Variants in CCDC159 observed in about 807,000 individuals in gnomAD.
The protein encoded by CCDC159 is coiled-coil domain containing 159, also known as coiled-coil domain-containing protein 159.
A neutral mutation model predicts 50.9 loss-of-function variants in CCDC159; 40 were observed. That is an observed-to-expected ratio of 0.79 (90% CI 0.61 to 1.02). CCDC159 has a LOEUF of 1.02. CCDC159 is among the 50% of genes least tolerant of loss of function. The probability of loss-of-function intolerance (pLI) is 0.00; values close to 1 mark genes in which losing one functional copy is unlikely to be tolerated. For synonymous variants in CCDC159, 146 were observed against 138.9 expected, an observed-to-expected ratio of 1.05 and a Z score of -0.36; for missense variants, 356 against 371.5, an observed-to-expected ratio of 0.96 and a Z score of 0.34.
chr19:11,346,772 A>G, intron 1 of CCDC159, 145 bp downstream of exon 1: 1 of 920,334 alleles, frequency 1.1e-6, no homozygotes, highest in Non-Finnish European at 1.7e-6. Context: ...ACGGGGAGAG[A>G]GGAGGCACTA....
Position 11,353,489 on chromosome 19 carries a change from C to T in CCDC159, c.606C>T (p.Ala202=), listed in dbSNP as rs765046740. 13 of 1,604,098 alleles carry T rather than the reference C, an allele frequency of 8.1e-6. No homozygotes were observed. Among genetic ancestry groups the T allele is most frequent in the African/African-American group, 6.7e-5 (5 of 74,814 alleles). ...TGAAGCAGCAGGGTCATGAGACAGC[C>T]GCCTGTCCGGAGACTGAAGAGATAC... ...TKMKQQGHET[A]ACPETEEIPQ... The change falls in exon 8 of 11, where the codon GCC becomes GCT. Residue 202 remains alanine, a synonymous_variant. Coordinates refer to ENST00000458408, the MANE Select transcript of CCDC159 (RefSeq NM_001080503.3).
chr19:11,351,697 G>A, intron 5 of CCDC159: 2 of 526,170 alleles, frequency 3.8e-6, no homozygotes, highest in Admixed American at 3.3e-5. Flanking sequence ...GAGGCTGAGT[G>A]GGGTGGGAGA....
chr19:11,353,369 G>C lies in CCDC159; in HGVS notation c.568-82G>C. On this transcript the variant is annotated intron_variant, in intron 7 of 10. Transcript: ENST00000458408. ...CCCGCCTCGGCCTCCCAAAGTGCTG[G>C]GATTACAGGTGTGAGCCACCGCGCC... is the stretch of plus-strand genomic sequence containing the variant. 3 of 1,433,720 alleles carry C rather than the reference G, an allele frequency of 2.1e-6. No homozygotes were observed. In the South Asian group the frequency reaches 4.0e-5, roughly 19 times the overall value. 88.8% of individuals were successfully genotyped at this position (1,433,720 alleles called of 1,614,324 possible).
chr19:11,351,072 G>A, intron 5 of CCDC159, 69 bp downstream of exon 5: 1 of 1,397,926 alleles, frequency 7.2e-7, no homozygotes, highest in Non-Finnish European at 9.5e-7. Flanking sequence ...GGGGAATGGA[G>A]GCAGGATGGG....
In CCDC159 at chr19:11,351,733, T is replaced by C. The variant is rs1240688237; in HGVS notation, c.423-173T>C. Reference sequence around the variant, plus strand: ...GACTGAGAGAATGGGAGGCTGGGGATCAGAAGGAGAGGAGGGGGATGAGGG... The same window carrying C: ...GACTGAGAGAATGGGAGGCTGGGGACCAGAAGGAGAGGAGGGGGATGAGGG... On this transcript the variant is annotated intron_variant, in intron 5 of 10. Transcript: ENST00000458408. 9 of 514,790 alleles carry C rather than the reference T, an allele frequency of 1.7e-5. No homozygotes were observed. The Admixed American group carries it at 2.7e-4, about 16-fold the overall frequency. 31.9% of individuals were successfully genotyped at this position (514,790 alleles called of 1,614,324 possible). A position where few individuals can be genotyped will look rare whatever the true frequency, so the allele number is the denominator to read the frequency against.
rs1029030015 is a variant in CCDC159, at chr19:11,349,743, T to A, written c.55+56T>A. On this transcript the variant is annotated intron_variant, in intron 2 of 10. Transcript: ENST00000458408. ...TGGGGAAGACCTGCTGGTTTCTACCTCTACCCTCTGCCCCAGCATCAGCTG... is the reference window on the plus strand; with the variant it reads ...TGGGGAAGACCTGCTGGTTTCTACCACTACCCTCTGCCCCAGCATCAGCTG... 3 of 1,404,898 alleles carry A rather than the reference T, an allele frequency of 2.1e-6. No individual in the cohort carries two copies. The African/African-American group carries it at 4.2e-5, about 20-fold the overall frequency. 87.0% of individuals were successfully genotyped at this position (1,404,898 alleles called of 1,614,324 possible). A position where few individuals can be genotyped will look rare whatever the true frequency, so the allele number is the denominator to read the frequency against.
chr19:11,348,967 C>A, intron 1 of CCDC159: 1 of 1,344,988 alleles, frequency 7.4e-7, no homozygotes. Flanking sequence ...CACCCCTAGG[C>A]TCTTCCTCGG....
intron 7 of CCDC159, chr19:11,352,526 A>C (rs1967640393): frequency 4.9e-6 from 1 of 202,984 alleles, no homozygotes; most frequent in African/African-American, 2.4e-5. Flanking sequence ...GAATGGCTTG[A>C]ACCTAGGAGG....
chr19:11,353,199 C>G (rs1967676694), intron 7 of CCDC159, among the ~76,000 whole-genome samples: 1 of 152,148 alleles, frequency 6.6e-6, no homozygotes. Context: ...CTCCTGGGTT[C>G]AAGCAATTCT....
intron 1 of CCDC159, 60 bp from the exon 2 acceptor site, chr19:11,349,594 G>A (rs765931772): frequency 1.3e-5 from 21 of 1,600,316 alleles, no homozygotes; most frequent in Non-Finnish European, 3.4e-6. Context: ...ACTGGGTTGA[G>A]GTGAGCAAGG....
intron 6 of CCDC159, 24 bp downstream of exon 6, chr19:11,351,997 G>A (rs755863370): frequency 8.7e-6 from 14 of 1,611,354 alleles, no homozygotes; most frequent in African/African-American, 8.0e-5. Context: ...GCCCACAGCC[G>A]GTGTGTGGGG....
In CCDC159 at chr19:11,353,517, C is replaced by T. The variant is rs1198029136; in HGVS notation, c.634C>T (p.Gln212Ter). ...AACPETEEIP[Q>*]GASGCWKDDL... ...CTGTCCGGAGACTGAAGAGATACCG[C>T]AGGGAGCCAGTGGCTGCTGGAAGGA... The change falls in exon 8 of 11, where the codon CAG (glutamine) becomes TAG (stop). Residue 212 changes from glutamine to a stop codon, truncating the protein, a stop_gained. Transcript: ENST00000458408. LOFTEE classifies it high-confidence loss of function. 5 of 1,613,022 alleles carry T rather than the reference C, an allele frequency of 3.1e-6. No homozygotes were observed. Among genetic ancestry groups the T allele is most frequent in the Non-Finnish European group, 4.2e-6 (5 of 1,179,612 alleles).
chr19:11,346,771 G>A (rs538350201), intron 1 of CCDC159, 144 bp downstream of exon 1: 43 of 926,814 alleles, frequency 4.6e-5, no homozygotes, highest in Non-Finnish European at 7.0e-5. Context: ...GACGGGGAGA[G>A]AGGAGGCACT....
At position 11,353,849 on chromosome 19, in the gene CCDC159, C is replaced by T; in HGVS notation, c.747C>T (p.Ala249=). The T allele has an allele frequency of 1.9e-6, 3 of 1,589,072 alleles. No individual in the cohort carries two copies. Among genetic ancestry groups the T allele is most frequent in the Non-Finnish European group, 2.6e-6 (3 of 1,167,924 alleles). ...SIDSLTLCSG[A]CPKASSLRGH... ...ACAGCCTCACTTTGTGCTCGGGGGC[C>T]TGTCCCAAGGCCTCGAGCCTAAGAG... The change falls in exon 9 of 11, where the codon GCC becomes GCT. Residue 249 remains alanine, a synonymous_variant. Transcript: ENST00000458408.
In CCDC159 at chr19:11,349,674, T is replaced by C; in HGVS notation, c.42T>C (p.Ser14=). Residue 14 remains serine (S), a synonymous_variant, in exon 2 of 11, where the codon TCT becomes TCC. Coordinates refer to ENST00000458408, the MANE Select transcript of CCDC159 (RefSeq NM_001080503.3). Reference sequence around the variant, plus strand: ...CTTAGAAGCCCTTGGAGACCAGCTCTTCCAAAGTCAAAGGTGAGAAATCTC... The same window carrying C: ...CTTAGAAGCCCTTGGAGACCAGCTCCTCCAAAGTCAAAGGTGAGAAATCTC... ...HEQVKPLETS[S]SKVKAKTIVM... is the part of the protein sequence containing the mutation. 6.2e-7 allele frequency: 1 copy of C among 1,610,878 alleles called. No homozygotes were observed. Among genetic ancestry groups the C allele is most frequent in the Non-Finnish European group, 8.5e-7 (1 of 1,177,448 alleles).
chr19:11,349,533 G>A (rs1379055661), intron 1 of CCDC159, 121 bp from the exon 2 acceptor site: 15 of 1,314,530 alleles, frequency 1.1e-5, no homozygotes, highest in Admixed American at 6.0e-5. Context: ...CTGCACTTAC[G>A]GTTTGGGACA....
At chr19:11,349,080 C>T in intron 1 of CCDC159, 1 of 1,346,454 alleles carries the variant, frequency 7.4e-7, no homozygotes, top group South Asian at 1.2e-5. Context: ...GACTGCAGGC[C>T]AGGGTGGGGC....
In CCDC159 at chr19:11,353,782, C is replaced by A; in HGVS notation, c.690-10C>A. On this transcript the variant is annotated splice_polypyrimidine_tract_variant and intron_variant, in intron 8 of 10. Transcript: ENST00000458408. ...TCTCCCAGCGCCCCCAGCTCCTTGT[C>A]TTCTTGCAGGTCTGCTGTGCACGTG... 6.3e-7 allele frequency: 1 copy of A among 1,589,626 alleles called. No individual in the cohort carries two copies. Among genetic ancestry groups the A allele is most frequent in the South Asian group, 1.1e-5 (1 of 87,338 alleles).
At chr19:11,347,667 C>T (rs970806856) in intron 1 of CCDC159, among the ~76,000 whole-genome samples, 2 of 152,080 alleles carry the variant, frequency 1.3e-5, no homozygotes, top group Admixed American at 6.6e-5. Flanking sequence ...TCTTCCAGGT[C>T]GACTGAATCA....
Sources: allele counts gnomAD v4.1 joint callset (sites outside exome capture counted in the v4.1 genomes callset), GRCh38; gene constraint gnomAD v4.1.1; transcripts MANE v1.5; gene names NCBI Gene and HGNC (gene_info 2026-07-23, HGNC 2026-07-21).